Variants in NAV3 observed in about 807,000 individuals in gnomAD.
NAV3 encodes the protein neuron navigator 3.
Under a neutral mutation model 244.7 loss-of-function variants are expected in NAV3, and 87 were observed. That is an observed-to-expected ratio of 0.36 (90% CI 0.30 to 0.42). The LOEUF (loss-of-function observed/expected upper bound fraction) is 0.42. Ranked by LOEUF, NAV3 falls within the 20% of genes least tolerant of loss-of-function variation. The pLI, the probability that NAV3 is intolerant of heterozygous loss-of-function variation, is 1.00. For synonymous variants in NAV3, 1,126 were observed against 1,042.2 expected (o/e 1.08, Z -1.55); for missense variants, 2,663 against 2,893.3 (o/e 0.92, Z 1.83).
chr12:78,090,996 G>A (rs1386374302), intron 12 of NAV3, among the ~76,000 whole-genome samples: 1 of 143,390 alleles, frequency 7.0e-6, no homozygotes, highest in African/African-American at 2.6e-5. Flanking sequence ...GTGTGTGTGT[G>A]TGTGAATATG....
At chr12:77,767,785 G>C (rs563159388) in intron 2 of NAV3, among the ~76,000 whole-genome samples, 42 of 152,292 alleles carry the variant, frequency 2.8e-4, no homozygotes, top group Middle Eastern at 3.4e-3. Context: ...GGAGCACCTA[G>C]GTCTGAGATC....
chr12:77,766,752 T>G lies in NAV3; in HGVS notation c.73-173567T>G, dbSNP rs1000404383. ...GCAATTAAGTTTTTTTTTTTTTTTT[T>G]TTTTTTTTTTTTTTTTTTTGAGACG... On this transcript the variant is annotated intron_variant, in intron 2 of 8. Transcript: ENST00000550042. Among the ~76,000 whole-genome samples the G allele has an allele frequency of 1.8e-4, 22 of 118,970 alleles. 4 individuals are homozygous for G. The highest frequency in any genetic ancestry group is 7.6e-4 in the East Asian group (3 of 3,942). 78.0% of individuals were successfully genotyped at this position (118,970 alleles called of 152,430 possible).
At chr12:77,884,185 A>G (rs796467795) in intron 1 of NAV3, among the ~76,000 whole-genome samples, 18 of 152,226 alleles carry the variant, frequency 1.2e-4, no homozygotes, top group African/African-American at 4.3e-4. Context: ...GGATTCTCCA[A>G]AAAGAACCAG....
chr12:77,645,921 T>C (rs1565751166), intron 2 of NAV3, among the ~76,000 whole-genome samples: 1 of 152,100 alleles, frequency 6.6e-6, no homozygotes, highest in Non-Finnish European at 1.5e-5. Context: ...AAAGTGATGC[T>C]TTGTGGGCAT....
chr12:77,648,424 C>T (rs922566739), intron 2 of NAV3, among the ~76,000 whole-genome samples: 38 of 152,080 alleles, frequency 2.5e-4, no homozygotes, highest in Admixed American at 2.1e-3. Flanking sequence ...TAACATTGCA[C>T]ACCAGTAGTT....
intron 5 of NAV3, among the ~76,000 whole-genome samples, chr12:77,981,762 A>G (rs1869607631): frequency 6.6e-6 from 1 of 151,922 alleles, no homozygotes. Flanking sequence ...CTTATTTTAT[A>G]CTCTGAGTTT....
At chr12:78,068,940 C>A (rs998216605) in intron 12 of NAV3, among the ~76,000 whole-genome samples, 9 of 150,838 alleles carry the variant, frequency 6.0e-5, no homozygotes, top group African/African-American at 2.2e-4. Flanking sequence ...ACATGAAACA[C>A]TTCGTTATTT....
chr12:78,003,168 T>TTTTTTTTTTTTTTTTTTGAG (rs1873607444), intron 7 of NAV3, among the ~76,000 whole-genome samples: 1 of 149,704 alleles, frequency 6.7e-6, no homozygotes, highest in Non-Finnish European at 1.5e-5. Context: ...AGCAATTATT[T>TTTTTTTTTTTTTTTTTTGAG]ATGCAAAGCA....
At chr12:77,688,863 G>A (rs1026995108) in intron 2 of NAV3, among the ~76,000 whole-genome samples, 11 of 151,822 alleles carry the variant, frequency 7.2e-5, no homozygotes, top group African/African-American at 2.7e-4. Flanking sequence ...TGTGCCGCAT[G>A]ATTTATAAGG....
At chr12:78,164,096 C>T (rs996841586) in intron 23 of NAV3, among the ~76,000 whole-genome samples, 5 of 152,054 alleles carry the variant, frequency 3.3e-5, no homozygotes, top group Non-Finnish European at 7.4e-5. Context: ...AACATTTTTA[C>T]AGAACTACTT....
At chr12:77,953,905 G>A (rs1891126281) in intron 3 of NAV3, among the ~76,000 whole-genome samples, 1 of 152,152 alleles carries the variant, frequency 6.6e-6, no homozygotes, top group South Asian at 2.1e-4. Context: ...CACAAATTTG[G>A]TGGCTTAAAA....
intron 1 of NAV3, among the ~76,000 whole-genome samples, chr12:77,926,327 G>C (rs1888214722): frequency 6.6e-6 from 1 of 152,122 alleles, no homozygotes; most frequent in Non-Finnish European, 1.5e-5. Flanking sequence ...AGGAATGAAT[G>C]CTTTGCAAGG....
At chr12:77,709,481 A>G (rs1875999892) in intron 2 of NAV3, among the ~76,000 whole-genome samples, 1 of 152,214 alleles carries the variant, frequency 6.6e-6, no homozygotes, top group Non-Finnish European at 1.5e-5. Flanking sequence ...GTAGAGTAAA[A>G]GGAAAACATT....
intron 5 of NAV3, among the ~76,000 whole-genome samples, chr12:77,981,299 A>G (rs954548198): frequency 6.6e-6 from 1 of 152,170 alleles, no homozygotes; most frequent in Non-Finnish European, 1.5e-5. Flanking sequence ...AAGTGGCTAA[A>G]TATCTCTCTC....
intron 9 of NAV3, among the ~76,000 whole-genome samples, chr12:78,025,276 T>C (rs1185631320): frequency 6.6e-6 from 1 of 151,920 alleles, no homozygotes; most frequent in Non-Finnish European, 1.5e-5. Flanking sequence ...ATACAGTTTA[T>C]TTGGTCTCAC....
chr12:77,666,229 T>C (rs1198321357), intron 2 of NAV3, among the ~76,000 whole-genome samples: 1 of 150,184 alleles, frequency 6.7e-6, no homozygotes, highest in Non-Finnish European at 1.5e-5. Flanking sequence ...ACTGAGTCTT[T>C]CAAATCACTC....
At chr12:77,784,987 G>A (rs1389247311) in intron 2 of NAV3, among the ~76,000 whole-genome samples, 1 of 152,054 alleles carries the variant, frequency 6.6e-6, no homozygotes. Flanking sequence ...GATGAATTTG[G>A]GTACAGTTGA....
chr12:78,132,168 C>G (rs1391588924), intron 18 of NAV3, among the ~76,000 whole-genome samples: 1 of 152,080 alleles, frequency 6.6e-6, no homozygotes, highest in Non-Finnish European at 1.5e-5. Flanking sequence ...GGTTCTGTAG[C>G]ACACTTGGGA....
intron 2 of NAV3, among the ~76,000 whole-genome samples, chr12:77,625,961 T>C (rs1871601707): frequency 6.6e-6 from 1 of 152,032 alleles, no homozygotes; most frequent in Non-Finnish European, 1.5e-5. Flanking sequence ...CACAAAAATC[T>C]ATAAAATGCC....
Sources: allele counts gnomAD v4.1 joint callset (sites outside exome capture counted in the v4.1 genomes callset), GRCh38; gene constraint gnomAD v4.1.1; transcripts MANE v1.5; gene names NCBI Gene and HGNC (gene_info 2026-07-23, HGNC 2026-07-21).